Variants in GPC5 observed in about 807,000 individuals in gnomAD.
GPC5 encodes glypican-5.
Under a neutral mutation model 53.9 loss-of-function variants are expected in GPC5, and 47 were observed. The ratio of observed to expected loss-of-function variants is 0.87; its 90% CI spans 0.69 to 1.11. The LOEUF (loss-of-function observed/expected upper bound fraction) is 1.11. Ranked by LOEUF, GPC5 falls within the 50% of genes most tolerant of loss-of-function variation. The pLI, the probability that GPC5 is intolerant of heterozygous loss-of-function variation, is 0.00. For missense variants in GPC5, 748 were observed against 713.1 expected (o/e 1.05, Z -0.56); for synonymous variants, 286 against 263.3 (o/e 1.09, Z -0.84).
intron 7 of GPC5, among the ~76,000 whole-genome samples, chr13:92,163,345 C>G (rs544295080): frequency 6.5e-4 from 99 of 151,562 alleles, no homozygotes; most frequent in Admixed American, 1.6e-3. Context: ...TCTGTAGTCC[C>G]AGCTACTCAG....
chr13:92,247,192 T>C (rs753549847), intron 7 of GPC5, among the ~76,000 whole-genome samples: 2 of 152,152 alleles, frequency 1.3e-5, no homozygotes, highest in Non-Finnish European at 2.9e-5. Context: ...ACTGCAGAGT[T>C]ATGAATAATG....
intron 6 of GPC5, among the ~76,000 whole-genome samples, chr13:91,986,142 T>G (rs2040405744): frequency 6.7e-6 from 1 of 149,116 alleles, no homozygotes; most frequent in Admixed American, 6.8e-5. Flanking sequence ...CTGGGCTTAC[T>G]GCAAGCTCCG....
chr13:92,488,487 G>A (rs539980650), intron 7 of GPC5, among the ~76,000 whole-genome samples: 16 of 152,228 alleles, frequency 1.1e-4, no homozygotes, highest in South Asian at 1.0e-3. Flanking sequence ...AAATCCCTCC[G>A]TTGCCATACG....
intron 5 of GPC5, among the ~76,000 whole-genome samples, chr13:91,907,307 A>T (rs1390800167): frequency 6.7e-6 from 1 of 148,256 alleles, no homozygotes; most frequent in Non-Finnish European, 1.5e-5. Context: ...AACTATTTTT[A>T]TCATGTCCAA....
At position 92,702,635 on chromosome 13, in the gene GPC5, T is replaced by C. The variant is rs537281293; in HGVS notation, c.1562-163647T>C. 2.3e-4 allele frequency among the ~76,000 whole-genome samples: 35 copies of C among 152,184 alleles called. No homozygotes were observed. The Middle Eastern group carries it at 0.01, about 44-fold the overall frequency. On this transcript the variant is annotated intron_variant, in intron 7 of 7. Coordinates refer to ENST00000377067, the MANE Select transcript of GPC5 (RefSeq NM_004466.6). Reference sequence around the variant, plus strand: ...GCTACCTCCCCAGCCCAAGCCCCCATTTTCTCTTCTGGGTTATTGCAACAG... The same window carrying C: ...GCTACCTCCCCAGCCCAAGCCCCCACTTTCTCTTCTGGGTTATTGCAACAG...
chr13:92,380,144 G>T (rs1267822939), intron 7 of GPC5, among the ~76,000 whole-genome samples: 4 of 152,256 alleles, frequency 2.6e-5, no homozygotes, highest in Non-Finnish European at 4.4e-5. Flanking sequence ...AGAGTACAAA[G>T]AATTAGCAAG....
chr13:92,812,900 C>G (rs1349384656), intron 7 of GPC5, among the ~76,000 whole-genome samples: 1 of 151,778 alleles, frequency 6.6e-6, no homozygotes, highest in Non-Finnish European at 1.5e-5. Context: ...TCCAATTTTT[C>G]CAAGATTCAT....
intron 7 of GPC5, among the ~76,000 whole-genome samples, chr13:92,724,250 G>A (rs1023251252): frequency 1.3e-5 from 2 of 151,374 alleles, no homozygotes; most frequent in African/African-American, 2.4e-5. Context: ...TTTTAAGCAA[G>A]CTATAAGAGA....
At chr13:92,118,690 G>C (rs2041620152) in intron 6 of GPC5, among the ~76,000 whole-genome samples, 1 of 152,108 alleles carries the variant, frequency 6.6e-6, no homozygotes, top group South Asian at 2.1e-4. Flanking sequence ...ATCACTATTG[G>C]TATTTTGATT....
At chr13:92,240,349 G>T (rs976550183) in intron 7 of GPC5, 1 of 151,458 alleles carries the variant, frequency 6.6e-6, no homozygotes, top group Non-Finnish European at 1.5e-5. Flanking sequence ...GCATCTAATT[G>T]TCTATAGTTT....
chr13:91,549,326 A>T (rs1178641936), intron 2 of GPC5, among the ~76,000 whole-genome samples: 2 of 151,932 alleles, frequency 1.3e-5, no homozygotes, highest in Admixed American at 6.6e-5. Context: ...GAAGATCTAG[A>T]TAACTATGGG....
intron 6 of GPC5, among the ~76,000 whole-genome samples, chr13:92,011,395 A>G (rs1269189924): frequency 6.6e-6 from 1 of 152,244 alleles, no homozygotes; most frequent in Non-Finnish European, 1.5e-5. Context: ...CTGAAAAGTC[A>G]AAGTCACAGG....
chr13:91,700,932 G>T (rs1270067085), intron 3 of GPC5, among the ~76,000 whole-genome samples: 1 of 152,082 alleles, frequency 6.6e-6, no homozygotes, highest in Admixed American at 6.6e-5. Context: ...ATTTCTGATT[G>T]AATTTTATGT....
chr13:91,955,354 T>C (rs1421633997), intron 6 of GPC5, among the ~76,000 whole-genome samples: 1 of 152,204 alleles, frequency 6.6e-6, no homozygotes, highest in Non-Finnish European at 1.5e-5. Flanking sequence ...AAATGTTATA[T>C]TGTGGAAGAT....
chr13:92,552,279 C>T (rs981846668), intron 7 of GPC5, among the ~76,000 whole-genome samples: 4 of 151,734 alleles, frequency 2.6e-5, no homozygotes, highest in African/African-American at 7.3e-5. Context: ...TTACAGTCCT[C>T]GCCCTTAAGA....
At chr13:92,517,220 C>T (rs746030187) in intron 7 of GPC5, among the ~76,000 whole-genome samples, 5 of 152,178 alleles carry the variant, frequency 3.3e-5, no homozygotes, top group Non-Finnish European at 7.4e-5. Context: ...CTCAAGGAGG[C>T]CTGCCTGCCT....
rs1217427679 is a variant in GPC5, at chr13:92,408,617, T to A, written c.1561+263628T>A. 7.0e-5 allele frequency among the ~76,000 whole-genome samples: 9 copies of A among 128,390 alleles called. No individual in the cohort carries two copies. The Admixed American group carries it at 7.8e-4, about 11-fold the overall frequency. The allele number at this position is 128,390 out of a possible 152,430, so 84.2% of individuals were successfully genotyped here. A position where few individuals can be genotyped will look rare whatever the true frequency, so the allele number is the denominator to read the frequency against. ...GTTTTAGCTCCTGCGATCTACCTTA[T>A]ATATATATATAGACACACACACACA... On this transcript the variant is annotated intron_variant, in intron 7 of 7. Coordinates refer to ENST00000377067, the MANE Select transcript of GPC5 (RefSeq NM_004466.6).
chr13:91,553,312 T>G (rs1359489393), intron 2 of GPC5, among the ~76,000 whole-genome samples: 3 of 101,028 alleles, frequency 3.0e-5, no homozygotes, highest in African/African-American at 1.3e-4. Context: ...GACCGGTTTA[T>G]GCTTGGATTT....
intron 5 of GPC5, among the ~76,000 whole-genome samples, chr13:91,834,655 C>T (rs987877399): frequency 1.3e-5 from 2 of 152,136 alleles, no homozygotes; most frequent in Non-Finnish European, 2.9e-5. Context: ...AAAGGATTCC[C>T]TATTTAATAA....
Sources: allele counts gnomAD v4.1 joint callset (sites outside exome capture counted in the v4.1 genomes callset), GRCh38; gene constraint gnomAD v4.1.1; transcripts MANE v1.5; gene names NCBI Gene and HGNC (gene_info 2026-07-23, HGNC 2026-07-21).